MDFIC2: variants seen among roughly 807,000 people sequenced by gnomAD.
MDFIC2 encodes the protein MyoD family inhibitor domain containing 2.
chr3:70,274,502 G>T lies in MDFIC2; in HGVS notation c.88+37384C>A, dbSNP rs1702003484. 1.3e-5 allele frequency among the ~76,000 whole-genome samples: 2 copies of T among 152,110 alleles called. 1 individual carries two copies. Among genetic ancestry groups the T allele is most frequent in the South Asian group, 4.1e-4 (2 of 4,824 alleles). ...AATAATTAATGTTAAGTTGACTGAA[G>T]AACTTAGTAAGAAACTTCCAAATTG... On this transcript the variant is annotated intron_variant, in intron 2 of 3. Transcript: ENST00000567252.
At chr3:70,299,003 C>T (rs891631652) in intron 2 of MDFIC2, among the ~76,000 whole-genome samples, 1 of 152,034 alleles carries the variant, frequency 6.6e-6, no homozygotes, top group Non-Finnish European at 1.5e-5. Flanking sequence ...AAGTGCCATC[C>T]AAAGGTGAAA....
chr3:70,307,962 T>C (rs1265179473), intron 2 of MDFIC2, among the ~76,000 whole-genome samples: 1 of 152,238 alleles, frequency 6.6e-6, no homozygotes, highest in African/African-American at 2.4e-5. Flanking sequence ...TCTCTCCACC[T>C]GTGCAAAGAG....
At chr3:70,287,706 T>A (rs1324619204) in intron 2 of MDFIC2, among the ~76,000 whole-genome samples, 1 of 152,064 alleles carries the variant, frequency 6.6e-6, no homozygotes, top group African/African-American at 2.4e-5. Context: ...TTTTGGTTGG[T>A]AAGCTATTGA....
chr3:70,305,853 G>C (rs9858666), intron 2 of MDFIC2, among the ~76,000 whole-genome samples: 31,402 of 152,082 alleles, frequency 0.21, 3,422 homozygotes, highest in South Asian at 0.28. Flanking sequence ...GGAATGAGAT[G>C]AGATTTTTCT....
At chr3:70,290,587 C>A (rs561515777) in intron 2 of MDFIC2, among the ~76,000 whole-genome samples, 137 of 152,346 alleles carry the variant, frequency 9.0e-4, no homozygotes, top group African/African-American at 3.0e-3. Flanking sequence ...GTGGGCTCCA[C>A]CCAGTTCGAG....
rs907588055 is a variant in MDFIC2 at position 70,298,959 on chromosome 3, A to G, written c.88+12927T>C. The stretch of plus-strand genomic sequence containing the variant: ...TACTTCTGCACATATATTTTATGCA[A>G]CTAAGCTGAGGCATTGATGTGCAAT... On this transcript the variant is annotated intron_variant, in intron 2 of 3. Coordinates refer to ENST00000567252, the MANE Select transcript of MDFIC2 (RefSeq NM_001364677.1). Among the ~76,000 whole-genome samples the G allele has an allele frequency of 1.3e-5, 2 of 152,312 alleles. 1 individual carries two copies. The highest frequency in any genetic ancestry group is 4.8e-5 in the African/African-American group (2 of 41,582).
chr3:70,307,926 T>C (rs997288505), intron 2 of MDFIC2, among the ~76,000 whole-genome samples: 4 of 152,236 alleles, frequency 2.6e-5, no homozygotes. Flanking sequence ...CAGCCTCTGA[T>C]GCCTTTGCTC....
chr3:70,255,450 G>C (rs1701807090), intron 2 of MDFIC2, among the ~76,000 whole-genome samples: 2 of 152,092 alleles, frequency 1.3e-5, no homozygotes. Context: ...TTATTTTAGA[G>C]ACAGAATCTT....
At chr3:70,303,043 A>G (rs1485741848) in intron 2 of MDFIC2, among the ~76,000 whole-genome samples, 28 of 152,188 alleles carry the variant, frequency 1.8e-4, no homozygotes, top group Admixed American at 1.6e-3. Context: ...TGATTTTGAC[A>G]TTTGAACTTC....
rs79180085 is a variant in MDFIC2, at chr3:70,213,795, G to A, written c.89-7005C>T. On this transcript the variant is annotated intron_variant, in intron 2 of 3. Coordinates refer to ENST00000567252, the MANE Select transcript of MDFIC2 (RefSeq NM_001364677.1). ...AGGAAATCATTCAACATGATCAAAC[G>A]TGGTGAAAATTATCAGCCAGGGTCA... 2.6e-3 allele frequency among the ~76,000 whole-genome samples: 395 copies of A among 152,152 alleles called. 2 individuals are homozygous for A. Among genetic ancestry groups the A allele is most frequent in the African/African-American group, 8.3e-3 (346 of 41,536 alleles).
chr3:70,244,689 A>G (rs1406535981), intron 2 of MDFIC2, among the ~76,000 whole-genome samples: 1 of 152,214 alleles, frequency 6.6e-6, no homozygotes, highest in Non-Finnish European at 1.5e-5. Context: ...GATGGTTAGA[A>G]ATGCATTTTT....
chr3:70,234,465 A>G (rs1436946952), intron 2 of MDFIC2, among the ~76,000 whole-genome samples: 1 of 152,016 alleles, frequency 6.6e-6, no homozygotes, highest in African/African-American at 2.4e-5. Context: ...CCTGGGCAAC[A>G]TAACAAAACC....
At chr3:70,229,767 T>C (rs1215268383) in intron 2 of MDFIC2, among the ~76,000 whole-genome samples, 3 of 152,200 alleles carry the variant, frequency 2.0e-5, no homozygotes, top group Non-Finnish European at 4.4e-5. Context: ...GGGATATCTA[T>C]CTGCATTGAG....
chr3:70,292,439 A>C (rs1702247445), intron 2 of MDFIC2, among the ~76,000 whole-genome samples: 1 of 152,150 alleles, frequency 6.6e-6, no homozygotes, highest in Non-Finnish European at 1.5e-5. Flanking sequence ...GTTAAGCATG[A>C]TATCACTAGT....
intron 3 of MDFIC2, among the ~76,000 whole-genome samples, chr3:70,198,125 G>T (rs1255827303): frequency 1.3e-5 from 2 of 152,140 alleles, no homozygotes; most frequent in African/African-American, 4.8e-5. Context: ...GTAGGTAAGT[G>T]TTCATGTGAT....
At chr3:70,244,461 G>A (rs9852987) in intron 2 of MDFIC2, among the ~76,000 whole-genome samples, 17,553 of 152,170 alleles carry the variant, frequency 0.12, 1,838 homozygotes, top group African/African-American at 0.28. Context: ...GAGTAATCAA[G>A]TGCATCTGAT....
chr3:70,272,854 G>C (rs1252906004), intron 2 of MDFIC2, among the ~76,000 whole-genome samples: 5 of 152,090 alleles, frequency 3.3e-5, no homozygotes, highest in Non-Finnish European at 7.4e-5. Context: ...GGAAGGAAGG[G>C]AAATAAAAAA....
chr3:70,251,022 G>A (rs1206403449), intron 2 of MDFIC2, among the ~76,000 whole-genome samples: 6 of 152,144 alleles, frequency 3.9e-5, no homozygotes, highest in East Asian at 1.9e-4. Flanking sequence ...CCATTTAAAC[G>A]CCTTTCCAGA....
At chr3:70,298,772 G>A (rs1702316685) in intron 2 of MDFIC2, among the ~76,000 whole-genome samples, 1 of 152,086 alleles carries the variant, frequency 6.6e-6, no homozygotes, top group Non-Finnish European at 1.5e-5. Flanking sequence ...CCATCTTCAA[G>A]TAGATTTCAA....
Sources: allele counts gnomAD v4.1 joint callset (sites outside exome capture counted in the v4.1 genomes callset), GRCh38; gene constraint gnomAD v4.1.1; transcripts MANE v1.5; gene names NCBI Gene and HGNC (gene_info 2026-07-23, HGNC 2026-07-21).